BRWD3: variants seen among roughly 807,000 people sequenced by gnomAD.
BRWD3 encodes the protein bromodomain and WD repeat-containing protein 3.
BRWD3 carries 10 observed loss-of-function variants against 149.7 expected under a neutral mutation model. That is an observed-to-expected ratio of 0.07 (90% confidence interval 0.04 to 0.11). BRWD3 has a LOEUF of 0.11. Among genes scored for constraint, BRWD3 ranks in the 10% least tolerant of loss-of-function variants. BRWD3 has a pLI of 1.00. For missense variants in BRWD3, 940 were observed against 1,373.2 expected (o/e 0.68, Z 4.99); for synonymous variants, 504 against 456.7 (o/e 1.10, Z -1.32).
At chrX:80,680,969 C>CTTTTT (rs904634410) in intron 40 of BRWD3, among the ~76,000 whole-genome samples, 14 of 74,747 alleles carry the variant, frequency 1.9e-4, no homozygotes, top group African/African-American at 6.1e-4. Context: ...CATGTGGCTA[C>CTTTTT]TTTTTTTTTT....
At position 80,729,997 on chromosome X, in the gene BRWD3, C is replaced by T. The variant is rs774748578; in HGVS notation, c.1151G>A (p.Arg384Gln). The T allele has an allele frequency of 1.7e-6, 2 of 1,194,372 alleles. No homozygotes were observed. Among genetic ancestry groups the T allele is most frequent in the East Asian group, 3.0e-5 (1 of 33,647 alleles). Reference sequence around the variant, plus strand: ...CTGCCAAATTCTTGCCGTTCCATCTCGACTTCCACTAACAAATCTTAAACT... The same window carrying T: ...CTGCCAAATTCTTGCCGTTCCATCTTGACTTCCACTAACAAATCTTAAACT... ...GDSLRFVSGSRDGTARIWQYQ... is the reference protein window; with the variant it reads ...GDSLRFVSGSQDGTARIWQYQ... Residue 384 changes from arginine (R) to glutamine (Q), a missense_variant, in exon 13 of 41, where the codon CGA (arginine) becomes CAA (glutamine). Arg to Gln is a conservative substitution (Grantham distance 43). Transcript: ENST00000373275.
In BRWD3 at chrX:80,676,928, C is replaced by T. The variant is rs1301163707; in HGVS notation, c.5090G>A (p.Arg1697Gln). ...RGRGGRGRGS[R>Q]GRGGGGTRGR... ...CCTAGTGCCACCTCCACCTCTTCCT[C>T]GACTCCCTCGTCCCCTGCCTCCTCT... Residue 1697 changes from arginine (R) to glutamine (Q), a missense_variant, in exon 41 of 41, where the codon CGA (arginine) becomes CAA (glutamine). Arg to Gln is a conservative substitution (Grantham distance 43). Transcript: ENST00000373275. 1 of 1,202,562 alleles carries T rather than the reference C, an allele frequency of 8.3e-7. No homozygotes were observed. The highest frequency in any genetic ancestry group is 1.8e-5 in the South Asian group (1 of 56,696).
At chrX:80,704,956 AT>A (rs1405059102) in intron 22 of BRWD3, 110 bp from the exon 23 acceptor site, 11 of 812,767 alleles carry the variant, frequency 1.4e-5, no homozygotes, top group East Asian at 3.3e-5. Flanking sequence ...ACATGGCTGG[AT>A]TTTTTTCTAA....
chrX:80,717,341 A>G (rs2073087418), intron 19 of BRWD3: 1 of 404,319 alleles, frequency 2.5e-6, no homozygotes, highest in Non-Finnish European at 4.3e-6. Context: ...CTATAAACTC[A>G]GAACAGAGAT....
At chrX:80,755,757 T>C (rs1021655426) in intron 6 of BRWD3, among the ~76,000 whole-genome samples, 1 of 111,980 alleles carries the variant, frequency 8.9e-6, no homozygotes, top group African/African-American at 3.2e-5. Flanking sequence ...AATGGTTACG[T>C]ATTAAATTAT....
At chrX:80,805,146 A>G (rs2074337195) in intron 4 of BRWD3, among the ~76,000 whole-genome samples, 1 of 111,482 alleles carries the variant, frequency 9.0e-6, no homozygotes, top group Non-Finnish European at 1.9e-5. Flanking sequence ...AAATCAGATG[A>G]CCGTTTCAGA....
intron 20 of BRWD3, among the ~76,000 whole-genome samples, chrX:80,712,180 G>A (rs1014582170): frequency 3.6e-5 from 4 of 111,486 alleles, no homozygotes; most frequent in African/African-American, 9.8e-5. Flanking sequence ...CTCTCCCCAC[G>A]GTATCCCTCT....
chrX:80,680,119 T>C (rs1179059322), intron 40 of BRWD3, among the ~76,000 whole-genome samples: 3 of 112,376 alleles, frequency 2.7e-5, no homozygotes, highest in African/African-American at 9.7e-5. Context: ...TGCATTAAAA[T>C]GTATATAAAA....
At chrX:80,771,944 C>T (rs1327484672) in intron 6 of BRWD3, among the ~76,000 whole-genome samples, 2 of 111,186 alleles carry the variant, frequency 1.8e-5, no homozygotes, top group African/African-American at 6.6e-5. Flanking sequence ...GTTAGAATGG[C>T]GATCATTAAT....
chrX:80,802,827 C>CA (rs781699839), intron 4 of BRWD3, among the ~76,000 whole-genome samples: 9 of 110,818 alleles, frequency 8.1e-5, no homozygotes, highest in Non-Finnish European at 1.7e-4. Context: ...TCAAGCAGGC[C>CA]AGGTGCGGTG....
At chrX:80,745,926 C>A (rs2073586691) in intron 6 of BRWD3, among the ~76,000 whole-genome samples, 197 bp from the exon 7 acceptor site, 1 of 110,539 alleles carries the variant, frequency 9.0e-6, no homozygotes, top group Non-Finnish European at 1.9e-5. Flanking sequence ...GAATACTCTT[C>A]CATTAAATCC....
At chrX:80,799,905 C>A (rs1164038439) in intron 4 of BRWD3, among the ~76,000 whole-genome samples, 1 of 111,328 alleles carries the variant, frequency 9.0e-6, no homozygotes, top group Non-Finnish European at 1.9e-5. Flanking sequence ...TCCACTCATG[C>A]ATTCATTCAG....
Position 80,695,940 on chromosome X carries a change from T to C in BRWD3, c.3119A>G (p.Tyr1040Cys), listed in dbSNP as rs781258661. Residue 1040 changes from tyrosine (Y) to cysteine (C), a missense_variant, in exon 27 of 41, where the codon TAT becomes TGT. By Grantham distance (194) the Tyr-to-Cys change is radical (BLOSUM62 -2). Transcript: ENST00000373275. ...VIDFLVLHQF[Y>C]NEAKERNWQI... is the part of the protein sequence containing the mutation. ...CCAGTTCCTTTCTTTGGCTTCATTATAAAACTGATGTAGCACAAGGAAGTC... is the reference window on the plus strand; with the variant it reads ...CCAGTTCCTTTCTTTGGCTTCATTACAAAACTGATGTAGCACAAGGAAGTC... 4.1e-6 allele frequency: 5 copies of C among 1,208,974 alleles called. No individual in the cohort carries two copies. The highest frequency in any genetic ancestry group is 4.5e-6 in the Non-Finnish European group (4 of 894,429).
intron 8 of BRWD3, among the ~76,000 whole-genome samples, chrX:80,741,595 T>C (rs1367645028): frequency 4.5e-5 from 5 of 111,797 alleles, no homozygotes; most frequent in Non-Finnish European, 7.5e-5. Flanking sequence ...TTTTAATGAT[T>C]GCCATTCTAA....
chrX:80,709,732 A>G (rs965334542), intron 20 of BRWD3, among the ~76,000 whole-genome samples, 155 bp from the exon 21 acceptor site: 1 of 112,127 alleles, frequency 8.9e-6, no homozygotes, highest in Non-Finnish European at 1.9e-5. Context: ...ATTTATACAT[A>G]TTTAATCCAC....
At chrX:80,766,726 A>G (rs1465670790) in intron 6 of BRWD3, among the ~76,000 whole-genome samples, 1 of 111,913 alleles carries the variant, frequency 8.9e-6, no homozygotes, top group Non-Finnish European at 1.9e-5. Flanking sequence ...TGCATTTCCA[A>G]CAGAGGTAGC....
At position 80,770,849 on chromosome X, in the gene BRWD3, A is replaced by G. The variant is rs938482864; in HGVS notation, c.430+21005T>C. On this transcript the variant is annotated intron_variant, in intron 6 of 40. Coordinates refer to ENST00000373275, the MANE Select transcript of BRWD3 (RefSeq NM_153252.5). Reference sequence around the variant, plus strand: ...AGATGACATGACTGTGTATTTAGAAAACCCCACTGTCTCAGCCCAAAATCT... The same window carrying G: ...AGATGACATGACTGTGTATTTAGAAGACCCCACTGTCTCAGCCCAAAATCT... Among the ~76,000 whole-genome samples, 3 of 111,747 alleles carry G rather than the reference A, an allele frequency of 2.7e-5. No homozygotes were observed. The Admixed American group carries it at 2.9e-4, about 11-fold the overall frequency.
chrX:80,768,553 C>A (rs1248301065), intron 6 of BRWD3, among the ~76,000 whole-genome samples: 2 of 111,317 alleles, frequency 1.8e-5, no homozygotes, highest in African/African-American at 6.5e-5. Flanking sequence ...CACCACCAGT[C>A]CTGCCTTACA....
chrX:80,695,716 G>T (rs538475656), intron 27 of BRWD3, among the ~76,000 whole-genome samples, 192 bp downstream of exon 27: 1 of 111,721 alleles, frequency 9.0e-6, no homozygotes, highest in East Asian at 2.8e-4. Flanking sequence ...TTTGCAGAAG[G>T]TTTAGAGATT....
Sources: allele counts gnomAD v4.1 joint callset (sites outside exome capture counted in the v4.1 genomes callset), GRCh38; gene constraint gnomAD v4.1.1; transcripts MANE v1.5; gene names NCBI Gene and HGNC (gene_info 2026-07-23, HGNC 2026-07-21).